Variants in CEP250 observed in about 807,000 individuals in gnomAD.
The protein encoded by CEP250 is centrosome-associated protein CEP250.
Under a neutral mutation model 315.7 loss-of-function variants are expected in CEP250, and 242 were observed. The observed-to-expected ratio is 0.77, with a 90% confidence interval of 0.69 to 0.85. The LOEUF (loss-of-function observed/expected upper bound fraction) is 0.85, where lower values mean the gene tolerates loss of function less well. Ranked by LOEUF, CEP250 falls within the 40% of genes least tolerant of loss-of-function variation. The pLI, the probability that CEP250 is intolerant of heterozygous loss-of-function variation, is 0.00. For missense variants in CEP250, 2,515 were observed against 2,886.4 expected, an observed-to-expected ratio of 0.87 and a Z score of 2.95; for synonymous variants, 1,088 against 1,175.0, an observed-to-expected ratio of 0.93 and a Z score of 1.51.
chr20:35,498,363 C>T (rs539306222), intron 26 of CEP250, among the ~76,000 whole-genome samples: 112 of 152,322 alleles, frequency 7.4e-4, no homozygotes, highest in Middle Eastern at 3.4e-3. Flanking sequence ...ATCACTTACA[C>T]GGTTCCTGGC....
chr20:35,509,279 T>A (rs2064287114), intron 33 of CEP250, among the ~76,000 whole-genome samples: 1 of 152,032 alleles, frequency 6.6e-6, no homozygotes, highest in Non-Finnish European at 1.5e-5. Flanking sequence ...GGGACTTAGA[T>A]CTGTGTACTC....
In CEP250 at chr20:35,515,461, C is replaced by T. The variant is rs529047220; in HGVS notation, c.*3835C>T. 6.6e-6 allele frequency: 1 copy of T among 152,366 alleles called. No individual in the cohort carries two copies. The highest frequency in any genetic ancestry group is 2.4e-5 in the African/African-American group (1 of 41,576). 9.4% of individuals were successfully genotyped at this position (152,366 alleles called of 1,614,324 possible). A position where few individuals can be genotyped will look rare whatever the true frequency, so the allele number is the denominator to read the frequency against. ...GATGCGGGGCTGAATTGAGCAGCCA[C>T]AGAACCTCTGCAGCTCTGGGGCCAG... is the stretch of plus-strand genomic sequence containing the variant. On this transcript the variant is annotated 3_prime_UTR_variant, in exon 35 of 35. Transcript: ENST00000397527.
intron 11 of CEP250, 92 bp from the exon 12 acceptor site, chr20:35,472,581 A>T: frequency 7.7e-7 from 1 of 1,292,576 alleles, no homozygotes; most frequent in Non-Finnish European, 1.1e-6. Flanking sequence ...GAGAAGGAAA[A>T]CATCAGGTTT....
rs2062720881 is a variant in CEP250 at position 35,460,082 on chromosome 20, G to C, written c.-127G>C. ...GGATTGAGCTTCATTGAACTCAACA[G>C]AGCCAACATTTCATAGCACCATGGT... On this transcript the variant is annotated 5_prime_UTR_variant, in exon 3 of 35. Transcript: ENST00000397527. The C allele has an allele frequency of 6.6e-6, 1 of 152,184 alleles. No homozygotes were observed. 9.4% of individuals were successfully genotyped at this position (152,184 alleles called of 1,614,324 possible). A position where few individuals can be genotyped will look rare whatever the true frequency, so the allele number is the denominator to read the frequency against.
Position 35,504,917 on chromosome 20 carries a change from C to T in CEP250, c.6548C>T (p.Thr2183Ile). 6.2e-7 allele frequency: 1 copy of T among 1,614,210 alleles called. No individual in the cohort carries two copies. The highest frequency in any genetic ancestry group is 8.5e-7 in the Non-Finnish European group (1 of 1,180,046). The change falls in exon 30 of 35, where the codon ACC (threonine) becomes ATC (isoleucine). Residue 2183 changes from threonine to isoleucine, a missense_variant. Thr to Ile is a moderately conservative substitution (Grantham distance 89). Transcript: ENST00000397527. ...GACTTGGCACTCTCCCTAGCGCAGACCAAGGCCAGTGTCAGCAGTCTGCAG... is the reference window on the plus strand; with the variant it reads ...GACTTGGCACTCTCCCTAGCGCAGATCAAGGCCAGTGTCAGCAGTCTGCAG... Reference protein sequence around the residue: ...AQDLALSLAQTKASVSSLQEV... With the variant: ...AQDLALSLAQIKASVSSLQEV...
At chr20:35,469,128 A>G (rs767535901) in intron 9 of CEP250, among the ~76,000 whole-genome samples, 5 of 152,156 alleles carry the variant, frequency 3.3e-5, no homozygotes, top group Non-Finnish European at 7.4e-5. Context: ...TGGACAACAT[A>G]GTGAGACCTT....
intron 20 of CEP250, among the ~76,000 whole-genome samples, 153 bp from the exon 21 acceptor site, chr20:35,490,484 T>G (rs2063655013): frequency 6.6e-6 from 1 of 152,198 alleles, no homozygotes; most frequent in Non-Finnish European, 1.5e-5. Context: ...GCAGGGAATA[T>G]TAGCCTTGCT....
intron 20 of CEP250, among the ~76,000 whole-genome samples, chr20:35,488,150 T>TA (rs1309509298): frequency 1.3e-5 from 2 of 152,252 alleles, no homozygotes; most frequent in Admixed American, 1.3e-4. Context: ...GCTGGACTGT[T>TA]ACTTCCTACA....
chr20:35,508,408 G>A (rs960495767), intron 32 of CEP250, among the ~76,000 whole-genome samples: 5 of 151,704 alleles, frequency 3.3e-5, no homozygotes, highest in African/African-American at 9.7e-5. Flanking sequence ...TCCACCTCCC[G>A]GGTTCAAGCA....
intron 11 of CEP250, among the ~76,000 whole-genome samples, chr20:35,472,419 C>A (rs540342145): frequency 3.9e-5 from 6 of 152,152 alleles, no homozygotes; most frequent in Non-Finnish European, 7.3e-5. Flanking sequence ...ATATCTCAAT[C>A]GTTTCTTCTT....
intron 21 of CEP250, 139 bp downstream of exon 21, chr20:35,490,943 G>T (rs2063671142): frequency 1.9e-6 from 2 of 1,041,436 alleles, no homozygotes. Flanking sequence ...CTAACAGTGA[G>T]CAGGGTGGTC....
At chr20:35,480,540 A>G (rs950041428) in intron 20 of CEP250, among the ~76,000 whole-genome samples, 2 of 139,642 alleles carry the variant, frequency 1.4e-5, no homozygotes, top group Non-Finnish European at 3.1e-5. Context: ...TTTTAGGTGT[A>G]TTTGGATTTA....
At chr20:35,498,573 G>T in intron 26 of CEP250, 22 bp from the exon 27 acceptor site, 2 of 1,605,144 alleles carry the variant, frequency 1.2e-6, no homozygotes, top group Non-Finnish European at 1.7e-6. Context: ...GCCAGGTAAG[G>T]AGGTTTTCCT....
rs1365908407 is a variant in CEP250 at position 35,501,730 on chromosome 20, G to A, written c.3899-115G>A. The A allele has an allele frequency of 4.2e-6, 5 of 1,197,146 alleles. No homozygotes were observed. The Admixed American group carries it at 1.3e-4, about 32-fold the overall frequency. 74.2% of individuals were successfully genotyped at this position (1,197,146 alleles called of 1,614,324 possible). A position where few individuals can be genotyped will look rare whatever the true frequency, so the allele number is the denominator to read the frequency against. On this transcript the variant is annotated intron_variant, in intron 28 of 34. Transcript: ENST00000397527. Reference sequence around the variant, plus strand: ...CACTGGATATAATTTTCTCCTTCTTGGCCTTCCTTCCCTTTGAATCTGTTC... The same window carrying A: ...CACTGGATATAATTTTCTCCTTCTTAGCCTTCCTTCCCTTTGAATCTGTTC...
upstream of CEP250, chr20:35,455,403 C>T (rs1388230418): frequency 6.6e-6 from 1 of 152,278 alleles, no homozygotes; most frequent in African/African-American, 2.4e-5. Context: ...TCGTTAGGGC[C>T]CGGGGCCCGC....
At position 35,469,995 on chromosome 20, in the gene CEP250, T is replaced by G. The variant is rs1279969392; in HGVS notation, c.948+9T>G. ...AGACAGTGGAGATCCTGGTACATGA[T>G]CCTTTGCTCTGGAAAGGAGTTGGGC... On this transcript the variant is annotated intron_variant, in intron 10 of 34. Coordinates refer to ENST00000397527, the MANE Select transcript of CEP250 (RefSeq NM_007186.6). 1.9e-6 allele frequency: 3 copies of G among 1,598,234 alleles called. No homozygotes were observed. Among genetic ancestry groups the G allele is most frequent in the African/African-American group, 2.7e-5 (2 of 74,538 alleles).
chr20:35,478,180 ATCTGG>A, intron 17 of CEP250, 79 bp downstream of exon 17: 2 of 929,320 alleles, frequency 2.2e-6, no homozygotes, highest in Admixed American at 5.3e-5. Context: ...TACAGAAATT[ATCTGG>A]AAAGTGAAAA....
rs377399077 is a variant in CEP250 at position 35,501,826 on chromosome 20, C to T, written c.3899-19C>T. On this transcript the variant is annotated intron_variant, in intron 28 of 34. Coordinates refer to ENST00000397527, the MANE Select transcript of CEP250 (RefSeq NM_007186.6). ...GTCTTACTCCACTACCTCTCCTCTC[C>T]TCTCCTCTCTTCTCAAAGAGAAATC... The T allele has an allele frequency of 1.8e-5, 26 of 1,414,792 alleles. No individual in the cohort carries two copies. The African/African-American group carries it at 2.1e-4, about 11-fold the overall frequency. The allele number at this position is 1,414,792 out of a possible 1,614,324, so 87.6% of individuals were successfully genotyped here. A position where few individuals can be genotyped will look rare whatever the true frequency, so the allele number is the denominator to read the frequency against.
intron 16 of CEP250, among the ~76,000 whole-genome samples, chr20:35,477,523 C>T (rs1266154209): frequency 6.6e-6 from 1 of 152,214 alleles, no homozygotes; most frequent in African/African-American, 2.4e-5. Flanking sequence ...GCTGAAGAGC[C>T]TAAGTCCCAA....
Sources: allele counts gnomAD v4.1 joint callset (sites outside exome capture counted in the v4.1 genomes callset), GRCh38; gene constraint gnomAD v4.1.1; transcripts MANE v1.5; gene names NCBI Gene and HGNC (gene_info 2026-07-23, HGNC 2026-07-21).